Variants in CACNA1B observed in about 807,000 individuals in gnomAD.
CACNA1B encodes the protein voltage-dependent N-type calcium channel subunit alpha-1B.
Under a neutral mutation model 247.2 loss-of-function variants are expected in CACNA1B, and 70 were observed. The observed-to-expected ratio is 0.28, with a 90% CI of 0.23 to 0.35. The LOEUF (loss-of-function observed/expected upper bound fraction) is 0.35, where lower values mean the gene tolerates loss of function less well. Ranked by LOEUF, CACNA1B falls within the 10% of genes least tolerant of loss-of-function variation. The probability of loss-of-function intolerance (pLI) is 1.00; values close to 1 mark genes in which losing one functional copy is unlikely to be tolerated. For missense variants in CACNA1B, 2,367 were observed against 3,197.4 expected (o/e 0.74, Z 6.26); for synonymous variants, 1,231 against 1,294.4 (o/e 0.95, Z 1.05).
chr9:138,088,797 C>CA (rs113755908), intron 36 of CACNA1B, among the ~76,000 whole-genome samples: 1,699 of 140,832 alleles, frequency 0.012, 33 homozygotes, highest in South Asian at 0.093. Context: ...TACTAAAATA[C>CA]AAAAAAAAAA....
intron 10 of CACNA1B, among the ~76,000 whole-genome samples, chr9:137,960,407 AGGGGGAGGGGAGG>A (rs1958003918): frequency 9.8e-4 from 1 of 1,020 alleles, no homozygotes; most frequent in Non-Finnish European, 2.2e-3. Flanking sequence ...ACTGGGGGGG[AGGGGGAGGGGAGG>A]TCAGCCTGAG....
intron 6 of CACNA1B, among the ~76,000 whole-genome samples, chr9:137,933,330 T>C (rs975332775): frequency 7.2e-5 from 11 of 152,152 alleles, no homozygotes; most frequent in African/African-American, 2.7e-4. Context: ...AGATTACAGG[T>C]GTGAGTCACC....
intron 12 of CACNA1B, among the ~76,000 whole-genome samples, 154 bp from the exon 13 acceptor site, chr9:137,983,984 G>T (rs1427348445): frequency 6.6e-6 from 1 of 152,164 alleles, no homozygotes; most frequent in Non-Finnish European, 1.5e-5. Flanking sequence ...TGTGAGGTGT[G>T]TGCCTTGTGT....
At position 137,891,177 on chromosome 9, in the gene CACNA1B, T is replaced by C. The variant is rs1239116499; in HGVS notation, c.530+8294T>C. 6.6e-6 allele frequency: 1 copy of C among 152,246 alleles called. No homozygotes were observed. Among genetic ancestry groups the C allele is most frequent in the Non-Finnish European group, 1.5e-5 (1 of 68,054 alleles). 9.4% of individuals were successfully genotyped at this position (152,246 alleles called of 1,614,324 possible). ...ATGGAGCACAGCCAGGGATCTGAGA[T>C]GGGCTCTAAACTTGCTGTCAGTATT... On this transcript the variant is annotated intron_variant, in intron 3 of 46. Transcript: ENST00000371372. This position sits in a 1 kb window ranked among gnomAD's most constrained non-coding sequence, Gnocchi z 4.3.
chr9:138,121,651 C>A lies in CACNA1B; in HGVS notation c.6672C>A (p.Ser2224=). ...CTCAGACCAGCCTCCCTGCCTTCTC[C>A]CCAGGCCGGCTCAGCCGTGGGCTTT... ...AGAQTSLPAF[S]PGRLSRGLSE... Residue 2224 remains serine (S), a synonymous_variant, in exon 47 of 47, where the codon TCC becomes TCA. Coordinates refer to ENST00000371372, the MANE Select transcript of CACNA1B (RefSeq NM_000718.4). The surrounding 1 kb of genome is among the most constrained non-coding windows in gnomAD (Gnocchi z 6.8). The A allele has an allele frequency of 6.2e-7, 1 of 1,613,104 alleles. No individual in the cohort carries two copies. The highest frequency in any genetic ancestry group is 8.5e-7 in the Non-Finnish European group (1 of 1,179,420).
chr9:137,939,245 A>G (rs182696801), intron 6 of CACNA1B, among the ~76,000 whole-genome samples: 1 of 152,332 alleles, frequency 6.6e-6, no homozygotes, highest in Non-Finnish European at 1.5e-5. Flanking sequence ...AGAACATTCT[A>G]GCCAACAACT....
Position 138,118,678 on chromosome 9 carries a change from A to G in CACNA1B, c.5940A>G (p.Ile1980Met). 1 of 1,562,746 alleles carries G rather than the reference A, an allele frequency of 6.4e-7. No individual in the cohort carries two copies. Among genetic ancestry groups the G allele is most frequent in the Non-Finnish European group, 8.7e-7 (1 of 1,151,258 alleles). Residue 1980 changes from isoleucine to methionine, a missense_variant, in exon 44 of 47, where the codon ATA becomes ATG. By Grantham distance (10) the Ile-to-Met change is conservative. Around this residue, in one of 12 missense-constraint regions of CACNA1B, gnomAD observed 773 missense variants for 779.4 expected, o/e 0.99. Transcript: ENST00000371372. ...CTGTGGACGTTCAGATGCAGAGCAT[A>G]ACCCGGAGGGGCCCTGATGGGGAGC... ...ALAVDVQMQS[I>M]TRRGPDGEPQ...
chr9:137,939,843 T>A (rs1957711311), intron 6 of CACNA1B, among the ~76,000 whole-genome samples: 1 of 140,542 alleles, frequency 7.1e-6, no homozygotes, highest in South Asian at 2.2e-4. Context: ...AATAAATAAA[T>A]AAATAAAAAA....
chr9:138,087,057 A>G (rs1030636403), intron 36 of CACNA1B, among the ~76,000 whole-genome samples: 5 of 151,268 alleles, frequency 3.3e-5, no homozygotes, highest in Admixed American at 1.3e-4. Context: ...ATTCTCCTGA[A>G]AGACAAATGG....
In CACNA1B at chr9:137,955,846, C is replaced by A; in HGVS notation, c.1186+33C>A. 1 of 1,381,552 alleles carries A rather than the reference C, an allele frequency of 7.2e-7. No homozygotes were observed. Among genetic ancestry groups the A allele is most frequent in the Non-Finnish European group, 1.0e-6 (1 of 985,770 alleles). The allele number at this position is 1,381,552 out of a possible 1,614,324, so 85.6% of individuals were successfully genotyped here. A position where few individuals can be genotyped will look rare whatever the true frequency, so the allele number is the denominator to read the frequency against. On this transcript the variant is annotated intron_variant, in intron 8 of 46. Transcript: ENST00000371372. The surrounding 1 kb of genome is among the most constrained non-coding windows in gnomAD (Gnocchi z 6.9). ...CCCGTGGGAGCCACTGCACTCCTGGCCGGCCACTGTTAGTTCTCTGTCCCC... is the reference window on the plus strand; with the variant it reads ...CCCGTGGGAGCCACTGCACTCCTGGACGGCCACTGTTAGTTCTCTGTCCCC...
At chr9:138,055,775 CCAGCA>C (rs1409592536) in intron 26 of CACNA1B, among the ~76,000 whole-genome samples, 1 of 151,950 alleles carries the variant, frequency 6.6e-6, no homozygotes, top group African/African-American at 2.4e-5. Context: ...GCCTGTAATC[CCAGCA>C]CTTTGGGAGG....
chr9:137,914,191 G>A lies in CACNA1B; in HGVS notation c.623-463G>A, dbSNP rs1294770887. Among the ~76,000 whole-genome samples the A allele has an allele frequency of 6.6e-6, 1 of 151,778 alleles. No individual in the cohort carries two copies. The highest frequency in any genetic ancestry group is 1.5e-5 in the Non-Finnish European group (1 of 67,920). ...AGCATTCTCTGCTCCTTCCTCCCAG[G>A]ATCCCCTGCCCTTAGCTCCCAGCAT... On this transcript the variant is annotated intron_variant, in intron 4 of 46. Coordinates refer to ENST00000371372, the MANE Select transcript of CACNA1B (RefSeq NM_000718.4). This position sits in a 1 kb window ranked among gnomAD's most constrained non-coding sequence, Gnocchi z 4.3.
At chr9:138,015,337 G>T (rs1430515169) in intron 18 of CACNA1B, among the ~76,000 whole-genome samples, 2 of 152,178 alleles carry the variant, frequency 1.3e-5, no homozygotes, top group African/African-American at 4.8e-5. Context: ...CAACCTTGAG[G>T]GGTTTCCCTC....
At chr9:137,960,078 C>T (rs1957993943) in intron 10 of CACNA1B, among the ~76,000 whole-genome samples, 1 of 146,948 alleles carries the variant, frequency 6.8e-6, no homozygotes, top group Non-Finnish European at 1.5e-5. Context: ...GGAGGTTGGC[C>T]TGAGGGAAGC....
Position 138,043,759 on chromosome 9 carries a change from C to A in CACNA1B, c.3287-15C>A. On this transcript the variant is annotated splice_polypyrimidine_tract_variant and intron_variant, in intron 20 of 46. Transcript: ENST00000371372. The stretch of plus-strand genomic sequence containing the variant: ...TGCACTACACCCCTTACTCGGGGGC[C>A]CTGTGTCCTTGTAGGTGGTAACGTG... 2 of 1,613,812 alleles carry A rather than the reference C, an allele frequency of 1.2e-6. No individual in the cohort carries two copies. The highest frequency in any genetic ancestry group is 1.7e-6 in the Non-Finnish European group (2 of 1,179,794).
intron 3 of CACNA1B, among the ~76,000 whole-genome samples, chr9:137,886,573 C>T: frequency 6.6e-6 from 1 of 151,312 alleles, no homozygotes; most frequent in Non-Finnish European, 1.5e-5. Context: ...GACAGCTGAA[C>T]CTCTGCCCGG....
At chr9:138,094,667 T>C (rs1233539103) in intron 36 of CACNA1B, among the ~76,000 whole-genome samples, 2 of 152,134 alleles carry the variant, frequency 1.3e-5, no homozygotes, top group Non-Finnish European at 2.9e-5. Context: ...CAACAACACA[T>C]TTCCCAATTT....
In CACNA1B at chr9:138,115,594, G is replaced by A. The variant is rs1374763359; in HGVS notation, c.5692G>A (p.Glu1898Lys). The A allele has an allele frequency of 6.2e-7, 1 of 1,613,608 alleles. No homozygotes were observed. The highest frequency in any genetic ancestry group is 8.5e-7 in the Non-Finnish European group (1 of 1,179,848). The change falls in exon 42 of 47, where the codon GAG becomes AAG. Residue 1898 changes from glutamate to lysine, a missense_variant. By Grantham distance (56) the Glu-to-Lys change is moderately conservative. Coordinates refer to ENST00000371372, the MANE Select transcript of CACNA1B (RefSeq NM_000718.4). ...SLFHPLKATLEQTQPAVLRGA... is the reference protein window; with the variant it reads ...SLFHPLKATLKQTQPAVLRGA... ...GTTCCACCCTCTGAAGGCCACCCTG[G>A]AGCAGACACAGCCGGCTGTGCTCCG...
chr9:137,888,991 C>T lies in CACNA1B; in HGVS notation c.530+6108C>T, dbSNP rs1957057048. Among the ~76,000 whole-genome samples the T allele has an allele frequency of 6.7e-6, 1 of 149,774 alleles. No homozygotes were observed. Among genetic ancestry groups the T allele is most frequent in the African/African-American group, 2.4e-5 (1 of 41,218 alleles). ...GGTGACAGCCCAGAGACGCTGCCTT[C>T]CCGCAAGGCGACCTGACGCTGTGTC... On this transcript the variant is annotated intron_variant, in intron 3 of 46. Transcript: ENST00000371372. This position sits in a 1 kb window ranked among gnomAD's most constrained non-coding sequence, Gnocchi z 4.7.
Sources: allele counts gnomAD v4.1 joint callset (sites outside exome capture counted in the v4.1 genomes callset), GRCh38; gene constraint gnomAD v4.1.1; regional missense constraint gnomAD v4.1.1; non-coding constraint Gnocchi (gnomAD v3.1); transcripts MANE v1.5; gene names NCBI Gene and HGNC (gene_info 2026-07-23, HGNC 2026-07-21).